The following FREM1 variants were observed in gnomAD, a reference collection of about 807,000 sequenced individuals.
FREM1 encodes FRAS1-related extracellular matrix protein 1.
FREM1 carries 220 observed loss-of-function variants against 210.1 expected under a neutral mutation model. The ratio of observed to expected loss-of-function variants is 1.05; its 90% CI spans 0.94 to 1.17. FREM1 has a LOEUF of 1.17. Ranked by LOEUF, FREM1 falls within the 50% of genes most tolerant of loss-of-function variation. The probability of loss-of-function intolerance (pLI) is 0.00; values close to 1 mark genes in which losing one functional copy is unlikely to be tolerated. For synonymous variants in FREM1, 1,189 were observed against 980.2 expected, an observed-to-expected ratio of 1.21 and a Z score of -3.98; for missense variants, 3,454 against 2,675.5, an observed-to-expected ratio of 1.29 and a Z score of -6.42.
At chr9:14,885,192 C>T (rs1230593111) in intron 1 of FREM1, among the ~76,000 whole-genome samples, 1 of 151,782 alleles carries the variant, frequency 6.6e-6, no homozygotes, top group Non-Finnish European at 1.5e-5. Context: ...CCCATCATTG[C>T]TTTTTATTTT....
At chr9:14,892,091 T>C (rs1001348533) in intron 1 of FREM1, among the ~76,000 whole-genome samples, 3 of 152,170 alleles carry the variant, frequency 2.0e-5, no homozygotes, top group Non-Finnish European at 2.9e-5. Flanking sequence ...ACCTAAGAAC[T>C]TTCTGAGTAC....
intron 24 of FREM1, among the ~76,000 whole-genome samples, chr9:14,778,826 C>T (rs927367194): frequency 6.9e-6 from 1 of 144,628 alleles, no homozygotes; most frequent in African/African-American, 2.6e-5. Context: ...GTGGAGCGCT[C>T]GAGCTCAGGA....
chr9:14,753,466 A>T (rs77606839), intron 29 of FREM1, among the ~76,000 whole-genome samples: 3,614 of 152,302 alleles, frequency 0.024, 153 homozygotes, highest in African/African-American at 0.082. Flanking sequence ...GACTAGTCAC[A>T]ATAGCTGAAT....
At chr9:14,838,091 CAT>C (rs1824961742) in intron 10 of FREM1, among the ~76,000 whole-genome samples, 1 of 152,166 alleles carries the variant, frequency 6.6e-6, no homozygotes, top group Non-Finnish European at 1.5e-5. Context: ...TTTTTTATGT[CAT>C]AGAAAAAGCT....
At chr9:14,852,602 G>A (rs187597886) in intron 5 of FREM1, among the ~76,000 whole-genome samples, 45 of 152,328 alleles carry the variant, frequency 3.0e-4, no homozygotes, top group Non-Finnish European at 5.3e-4. Flanking sequence ...GCTGAAGCAG[G>A]AAGATCACTT....
intron 13 of FREM1, among the ~76,000 whole-genome samples, chr9:14,821,181 A>C (rs1821237860): frequency 6.6e-6 from 1 of 152,034 alleles, no homozygotes; most frequent in Admixed American, 6.6e-5. Context: ...TACATAAGGG[A>C]TCAACTCCTG....
rs1265646102 is a variant in FREM1, at chr9:14,748,597, C to T, written c.5600G>A (p.Ser1867Asn). 6.2e-7 allele frequency: 1 copy of T among 1,613,650 alleles called. No homozygotes were observed. The highest frequency in any genetic ancestry group is 1.3e-5 in the African/African-American group (1 of 74,918). Reference protein sequence around the residue: ...PSYSSNQSKHSTWEKGIWHLL... With the variant: ...PSYSSNQSKHNTWEKGIWHLL... ...ATGCCAAATGCCCTTCTCCCATGTG[C>T]TGTGCTTGCTTTGGTTGGAGGAATA... The change falls in exon 31 of 37, where the codon AGC (serine) becomes AAC (asparagine). Residue 1867 changes from serine to asparagine, a missense_variant. Physicochemically the swap from Ser to Asn is conservative, Grantham distance 46. Coordinates refer to ENST00000380880, the MANE Select transcript of FREM1 (RefSeq NM_001379081.2).
intron 27 of FREM1, 115 bp from the exon 28 acceptor site, chr9:14,760,016 A>C: frequency 1.5e-6 from 1 of 680,678 alleles, no homozygotes; most frequent in Non-Finnish European, 2.3e-6. Flanking sequence ...CAGTGATGGA[A>C]ATTCCTTAAG....
chr9:14,881,315 C>A (rs570535473), intron 1 of FREM1, among the ~76,000 whole-genome samples: 2 of 152,318 alleles, frequency 1.3e-5, no homozygotes, highest in South Asian at 4.1e-4. Context: ...ACACCCCTTA[C>A]CTTTTGTAAT....
At chr9:14,810,472 G>C (rs12554155) in intron 16 of FREM1, among the ~76,000 whole-genome samples, 6 of 151,992 alleles carry the variant, frequency 3.9e-5, no homozygotes, top group Admixed American at 3.9e-4. Flanking sequence ...TTTGAGGGAA[G>C]ACAGGGTCTC....
At chr9:14,856,019 A>G (rs934659221) in intron 5 of FREM1, among the ~76,000 whole-genome samples, 9 of 152,204 alleles carry the variant, frequency 5.9e-5, no homozygotes, top group African/African-American at 2.2e-4. Context: ...GGCCACCACT[A>G]TAAAATAGGA....
At chr9:14,899,524 C>T (rs375773782) in intron 1 of FREM1, among the ~76,000 whole-genome samples, 122 of 152,262 alleles carry the variant, frequency 8.0e-4, no homozygotes, top group African/African-American at 2.7e-3. Flanking sequence ...GATTAGATGT[C>T]TCATTTGTTG....
chr9:14,809,422 G>C (rs774982853), intron 16 of FREM1, among the ~76,000 whole-genome samples: 1 of 152,076 alleles, frequency 6.6e-6, no homozygotes, highest in Non-Finnish European at 1.5e-5. Context: ...CAGACACTCT[G>C]GTCAAATCTG....
rs1348991358 is a variant in FREM1 at position 14,788,939 on chromosome 9, G to A, written c.4157C>T (p.Thr1386Ile). 4.3e-6 allele frequency: 7 copies of A among 1,612,450 alleles called. No homozygotes were observed. Among genetic ancestry groups the A allele is most frequent in the Non-Finnish European group, 5.9e-6 (7 of 1,179,322 alleles). The change falls in exon 23 of 37, where the codon ACC becomes ATC. Residue 1386 changes from threonine (T) to isoleucine (I), a missense_variant. By Grantham distance (89) the Thr-to-Ile change is moderately conservative. Transcript: ENST00000380880. The stretch of plus-strand genomic sequence containing the variant: ...TTTACCTTTTTCCATGTCCTTGATG[G>A]TGATTTGACAGTCAAGAGCAGGGGA... ...NRSPALDCQI[T>I]IKDMEKGDIV...
chr9:14,823,531 G>T (rs1821764838), intron 12 of FREM1, among the ~76,000 whole-genome samples: 1 of 152,200 alleles, frequency 6.6e-6, no homozygotes, highest in Admixed American at 6.5e-5. Context: ...AAGCAAGGAA[G>T]AATTCTCCTA....
chr9:14,801,372 A>G (rs964283728), intron 20 of FREM1, among the ~76,000 whole-genome samples: 7 of 152,144 alleles, frequency 4.6e-5, no homozygotes, highest in Non-Finnish European at 8.8e-5. Flanking sequence ...ATTGGTGAGA[A>G]CTCTTAAAAT....
intron 6 of FREM1, 139 bp downstream of exon 6, chr9:14,851,145 A>G: frequency 1.5e-6 from 1 of 657,218 alleles, no homozygotes; most frequent in Admixed American, 3.0e-5. Flanking sequence ...CTGGGCAGTG[A>G]GTGTGCATCC....
chr9:14,852,936 T>A (rs182511820), intron 5 of FREM1, among the ~76,000 whole-genome samples: 1 of 152,220 alleles, frequency 6.6e-6, no homozygotes, highest in Non-Finnish European at 1.5e-5. Context: ...AAGCAAGTTG[T>A]CTGGAACTAA....
chr9:14,803,019 CTTTCTTCTTTCTCTTTCT>C (rs1563964060), intron 19 of FREM1, among the ~76,000 whole-genome samples: 1 of 124,104 alleles, frequency 8.1e-6, no homozygotes, highest in Non-Finnish European at 1.6e-5. Flanking sequence ...CCCTCCCTTT[CTTTCTTCTTTCTCTTTCT>C]TTTCTTCTTT....
Sources: gnomAD v4.1 joint callset for allele counts (sites outside exome capture counted in the v4.1 genomes callset) on GRCh38, gnomAD v4.1.1 for gene constraint, MANE v1.5 for transcripts, NCBI Gene and HGNC (gene_info 2026-07-23, HGNC 2026-07-21) for gene names.